Variants in CSMD1 observed in about 807,000 individuals in gnomAD.
The protein encoded by CSMD1 is CUB and Sushi multiple domains 1, also known as CUB and sushi domain-containing protein 1.
CSMD1 carries 213 observed loss-of-function variants against 417.5 expected under a neutral mutation model. The observed-to-expected ratio is 0.51, with a 90% CI of 0.46 to 0.57. The LOEUF is 0.57. Among genes scored for constraint, CSMD1 ranks in the 20% least tolerant of loss-of-function variants. CSMD1 has a pLI of 0.00. For synonymous variants in CSMD1, 2,862 were observed against 1,736.8 expected (o/e 1.65, Z -16.11); for missense variants, 6,923 against 4,529.7 (o/e 1.53, Z -15.17).
intron 5 of CSMD1, among the ~76,000 whole-genome samples, chr8:3,926,695 A>T (rs1344982293): frequency 1.3e-5 from 2 of 148,422 alleles, no homozygotes; most frequent in African/African-American, 5.0e-5. Flanking sequence ...ACGCAATTAA[A>T]TTCAAGTTAA....
intron 2 of CSMD1, among the ~76,000 whole-genome samples, chr8:4,447,716 A>C (rs1292077059): frequency 6.6e-6 from 1 of 152,202 alleles, no homozygotes; most frequent in East Asian, 1.9e-4. Context: ...TAGTTAATAA[A>C]ACCAAAATTA....
At chr8:4,449,565 C>G (rs962032302) in intron 2 of CSMD1, among the ~76,000 whole-genome samples, 1 of 152,154 alleles carries the variant, frequency 6.6e-6, no homozygotes, top group Admixed American at 6.5e-5. Context: ...ATGGACTCAT[C>G]TAATTATTTA....
At chr8:3,910,174 G>T (rs918605832) in intron 5 of CSMD1, among the ~76,000 whole-genome samples, 4 of 152,122 alleles carry the variant, frequency 2.6e-5, no homozygotes, top group African/African-American at 9.7e-5. Flanking sequence ...GTTACATCGG[G>T]GGACAAGGAA....
intron 5 of CSMD1, among the ~76,000 whole-genome samples, chr8:3,975,628 G>T (rs933553388): frequency 3.3e-5 from 5 of 152,130 alleles, no homozygotes; most frequent in African/African-American, 1.2e-4. Flanking sequence ...TGACTAAAGT[G>T]CCTGTAGGTG....
At chr8:4,838,900 G>C (rs1478504930) in intron 1 of CSMD1, among the ~76,000 whole-genome samples, 1 of 152,190 alleles carries the variant, frequency 6.6e-6, no homozygotes, top group Non-Finnish European at 1.5e-5. Flanking sequence ...CAGAACTTAA[G>C]CTCTAAAGGT....
At chr8:4,847,520 C>G (rs1351108865) in intron 1 of CSMD1, among the ~76,000 whole-genome samples, 1 of 152,158 alleles carries the variant, frequency 6.6e-6, no homozygotes, top group African/African-American at 2.4e-5. Flanking sequence ...GTGTCATACA[C>G]TTGTCATGGT....
intron 21 of CSMD1, among the ~76,000 whole-genome samples, chr8:3,357,875 AT>A (rs1319884622): frequency 4.6e-5 from 7 of 152,232 alleles, no homozygotes; most frequent in African/African-American, 1.7e-4. Flanking sequence ...GATTGTGAAA[AT>A]ATATAGATAC....
At chr8:3,962,929 C>T (rs139848769) in intron 5 of CSMD1, among the ~76,000 whole-genome samples, 13 of 152,054 alleles carry the variant, frequency 8.5e-5, no homozygotes, top group Admixed American at 1.3e-4. Flanking sequence ...AAACTTTTCA[C>T]TCAGTTTTTG....
chr8:3,052,496 C>T lies in CSMD1; in HGVS notation c.7626G>A (p.Leu2542=), dbSNP rs754547895. ...QATAVCQEDG[L]WSNKGKPPTC... ...TGGGCGGCTTCCCCTTGTTACTCCA[C>T]AACCCATCTTCTTGACACACGGCTG... Residue 2542 remains leucine (L), a synonymous_variant, in exon 50 of 70, where the codon TTG becomes TTA. Transcript: ENST00000635120. 35 of 1,592,428 alleles carry T rather than the reference C, an allele frequency of 2.2e-5. No individual in the cohort carries two copies. Among genetic ancestry groups the T allele is most frequent in the Middle Eastern group, 3.3e-4 (2 of 6,060 alleles).
chr8:4,207,362 T>C (rs947841244), intron 3 of CSMD1, among the ~76,000 whole-genome samples: 1 of 152,174 alleles, frequency 6.6e-6, no homozygotes, highest in Non-Finnish European at 1.5e-5. Flanking sequence ...ATTAGCTTAA[T>C]AGTTTAGATA....
rs536991826 is a variant in CSMD1, at chr8:4,204,318, A to G, written c.416-172219T>C. Among the ~76,000 whole-genome samples, 64 of 152,250 alleles carry G rather than the reference A, an allele frequency of 4.2e-4. 1 individual carries two copies. Among genetic ancestry groups the G allele is most frequent in the African/African-American group, 1.4e-3 (57 of 41,558 alleles). ...TTTGGTTTTCTTTCTCAGAATCAGAATAGTTTTTTAAAAATGTCCTATTTC... is the reference window on the plus strand; with the variant it reads ...TTTGGTTTTCTTTCTCAGAATCAGAGTAGTTTTTTAAAAATGTCCTATTTC... On this transcript the variant is annotated intron_variant, in intron 3 of 69. Transcript: ENST00000635120.
chr8:4,223,388 G>A lies in CSMD1; in HGVS notation c.416-191289C>T, dbSNP rs1354382572. 7.2e-5 allele frequency among the ~76,000 whole-genome samples: 11 copies of A among 152,360 alleles called. No homozygotes were observed. The East Asian group carries it at 1.9e-3, about 27-fold the overall frequency. ...GTCCATCCATCAAGTAAATTCAGCT[G>A]CCGCCAAGGTAAGCAGGAAAGGGCG... On this transcript the variant is annotated intron_variant, in intron 3 of 69. Transcript: ENST00000635120.
intron 1 of CSMD1, among the ~76,000 whole-genome samples, chr8:4,703,331 G>A (rs547536799): frequency 7.2e-5 from 11 of 152,194 alleles, no homozygotes; most frequent in South Asian, 2.1e-4. Context: ...AATATACGTC[G>A]CTCCACGGAC....
chr8:4,160,211 A>G (rs1797069172), intron 3 of CSMD1, among the ~76,000 whole-genome samples: 1 of 152,178 alleles, frequency 6.6e-6, no homozygotes. Context: ...TATAGCAAAA[A>G]TCTGGCTAAT....
At position 3,489,084 on chromosome 8, in the gene CSMD1, T is replaced by A. The variant is rs571990033; in HGVS notation, c.1448+4539A>T. ...ACACACAAATACACACGTCTGTGCA[T>A]AGTGTCTGCTTTTTAATGGCTCTTC... On this transcript the variant is annotated intron_variant, in intron 11 of 69. Transcript: ENST00000635120. Among the ~76,000 whole-genome samples the A allele has an allele frequency of 2.2e-4, 33 of 152,248 alleles. 1 individual carries two copies. Among genetic ancestry groups the A allele is most frequent in the Middle Eastern group, 3.4e-3 (1 of 294 alleles).
At chr8:3,706,552 C>T (rs1026094453) in intron 7 of CSMD1, among the ~76,000 whole-genome samples, 2 of 152,090 alleles carry the variant, frequency 1.3e-5, no homozygotes, top group Non-Finnish European at 2.9e-5. Context: ...AGTCATTATG[C>T]ATATGTCAAT....
At chr8:4,389,624 C>G (rs889404609) in intron 3 of CSMD1, among the ~76,000 whole-genome samples, 1 of 152,138 alleles carries the variant, frequency 6.6e-6, no homozygotes, top group Admixed American at 6.5e-5. Flanking sequence ...CTACAAATCC[C>G]TCCACAAATC....
rs140621212 is a variant in CSMD1, at chr8:4,885,233, G to A, written c.85+109099C>T. 5.5e-3 allele frequency among the ~76,000 whole-genome samples: 842 copies of A among 151,952 alleles called. 14 individuals carry two copies. Among genetic ancestry groups the A allele is most frequent in the Middle Eastern group, 0.02 (6 of 294 alleles). On this transcript the variant is annotated intron_variant, in intron 1 of 69. Transcript: ENST00000635120. ...TTTTAGATATAATAGTTTTTTAATC[G>A]AATTTCTTAGCATTTTCCATGTCCA...
chr8:3,793,479 C>T (rs1452120267), intron 5 of CSMD1, among the ~76,000 whole-genome samples: 1 of 150,608 alleles, frequency 6.6e-6, no homozygotes, highest in African/African-American at 2.4e-5. Flanking sequence ...CCCCATCCAG[C>T]CAAGCCAGCC....
Sources: allele counts gnomAD v4.1 joint callset (sites outside exome capture counted in the v4.1 genomes callset), GRCh38; gene constraint gnomAD v4.1.1; transcripts MANE v1.5; gene names NCBI Gene and HGNC (gene_info 2026-07-23, HGNC 2026-07-21).